The following MAGI1 variants were observed in gnomAD, a reference collection of about 807,000 sequenced individuals.
MAGI1 encodes the protein membrane associated guanylate kinase, WW and PDZ domain containing 1.
A neutral mutation model predicts 139.9 loss-of-function variants in MAGI1; 58 were observed. That is an observed-to-expected ratio of 0.41 (90% CI 0.34 to 0.52). The LOEUF (loss-of-function observed/expected upper bound fraction) is 0.52, where lower values mean the gene tolerates loss of function less well. MAGI1 is among the 20% of genes least tolerant of loss of function. The pLI is 0.12. For missense variants in MAGI1, 1,874 were observed against 1,901.6 expected (o/e 0.99, Z 0.27); for synonymous variants, 812 against 737.9 (o/e 1.10, Z -1.63).
At chr3:65,677,731 C>T (rs1490084548) in intron 1 of MAGI1, among the ~76,000 whole-genome samples, 2 of 152,206 alleles carry the variant, frequency 1.3e-5, no homozygotes, top group Middle Eastern at 3.2e-3. Context: ...CGTCAAAGGT[C>T]AAACTCTTCA....
chr3:65,756,901 G>C (rs2107851794), intron 1 of MAGI1, among the ~76,000 whole-genome samples: 1 of 152,246 alleles, frequency 6.6e-6, no homozygotes, highest in Middle Eastern at 3.4e-3. Context: ...AATTCCTCTG[G>C]TAATGAACTT....
Position 66,023,745 on chromosome 3 carries a change from T to C in MAGI1, c.313+14251A>G, listed in dbSNP as rs111587359. Among the ~76,000 whole-genome samples the C allele has an allele frequency of 6.7e-3, 1,018 of 152,342 alleles. 8 individuals carry two copies. Among genetic ancestry groups the C allele is most frequent in the African/African-American group, 0.023 (943 of 41,580 alleles). On this transcript the variant is annotated intron_variant, in intron 1 of 22. Transcript: ENST00000402939. ...CCCTAAATGGTATACATAAACTTCA[T>C]TCGTTCTTGTTGGTAAAGCTACACA...
intron 1 of MAGI1, among the ~76,000 whole-genome samples, chr3:65,708,355 G>C (rs1187753736): frequency 6.7e-6 from 1 of 149,054 alleles, no homozygotes; most frequent in Admixed American, 6.6e-5. Flanking sequence ...CCAGTGAGAA[G>C]CTCTTCTGTG....
intron 2 of MAGI1, among the ~76,000 whole-genome samples, chr3:65,509,743 GC>G (rs1254909608): frequency 6.6e-6 from 1 of 152,130 alleles, no homozygotes; most frequent in East Asian, 1.9e-4. Flanking sequence ...GCCCGCCATT[GC>G]CCAGGCTTGC....
chr3:65,611,809 T>C (rs930836567), intron 2 of MAGI1, among the ~76,000 whole-genome samples: 1 of 151,532 alleles, frequency 6.6e-6, no homozygotes, highest in Admixed American at 6.6e-5. Flanking sequence ...GGGGTTCTTG[T>C]AACCAACCTG....
chr3:65,681,242 C>G (rs1424116028), intron 1 of MAGI1, among the ~76,000 whole-genome samples: 2 of 152,204 alleles, frequency 1.3e-5, no homozygotes, highest in Admixed American at 6.5e-5. Context: ...TCCTTTCTCC[C>G]TGAATTTATT....
chr3:65,553,688 A>C (rs917609315), intron 2 of MAGI1, among the ~76,000 whole-genome samples: 2 of 152,180 alleles, frequency 1.3e-5, no homozygotes, highest in Admixed American at 1.3e-4. Flanking sequence ...TGGTTTTAGG[A>C]TATGCTATAT....
chr3:65,680,760 A>AAAGAT, intron 1 of MAGI1, among the ~76,000 whole-genome samples: 1 of 135,148 alleles, frequency 7.4e-6, no homozygotes, highest in South Asian at 2.2e-4. Flanking sequence ...ATAATATAAT[A>AAAGAT]ATGATATGAT....
chr3:65,748,035 C>A (rs1289946123), intron 1 of MAGI1, among the ~76,000 whole-genome samples: 4 of 152,140 alleles, frequency 2.6e-5, no homozygotes, highest in Non-Finnish European at 5.9e-5. Flanking sequence ...TCACAGCATT[C>A]CTGCCAGAAA....
intron 2 of MAGI1, among the ~76,000 whole-genome samples, chr3:65,528,882 C>T (rs2078508053): frequency 6.6e-6 from 1 of 151,984 alleles, no homozygotes; most frequent in African/African-American, 2.4e-5. Context: ...CTTGTCCCTA[C>T]AAAAAAATTT....
intron 4 of MAGI1, among the ~76,000 whole-genome samples, chr3:65,477,290 C>T (rs1297082524): frequency 6.6e-6 from 1 of 152,140 alleles, no homozygotes; most frequent in Non-Finnish European, 1.5e-5. Flanking sequence ...AGGTTGCAAA[C>T]AGCATTCATA....
intron 1 of MAGI1, among the ~76,000 whole-genome samples, chr3:65,792,556 C>T (rs2039860063): frequency 1.3e-5 from 2 of 151,902 alleles, no homozygotes; most frequent in Admixed American, 1.3e-4. Flanking sequence ...TTATAGCTAG[C>T]TATATAGCTA....
At chr3:65,743,719 A>T (rs568707024) in intron 1 of MAGI1, among the ~76,000 whole-genome samples, 1 of 152,166 alleles carries the variant, frequency 6.6e-6, no homozygotes, top group Non-Finnish European at 1.5e-5. Context: ...CAAAAAAAAA[A>T]AAAGTCTAAA....
At chr3:65,587,271 C>T (rs1282496644) in intron 2 of MAGI1, among the ~76,000 whole-genome samples, 5 of 152,132 alleles carry the variant, frequency 3.3e-5, no homozygotes, top group Non-Finnish European at 7.4e-5. Flanking sequence ...CTATCTTAAA[C>T]GTGCTCAAAA....
intron 13 of MAGI1, among the ~76,000 whole-genome samples, chr3:65,399,222 ATGTGTCATTAC>A (rs1944657351): frequency 1.3e-5 from 2 of 152,236 alleles, no homozygotes; most frequent in South Asian, 4.2e-4. Flanking sequence ...AATTGACCTT[ATGTGTCATTAC>A]TTGAATGGCT....
intron 1 of MAGI1, among the ~76,000 whole-genome samples, chr3:66,021,244 T>C (rs1227812948): frequency 6.6e-6 from 1 of 152,208 alleles, no homozygotes; most frequent in East Asian, 1.9e-4. Flanking sequence ...GAATAAAATA[T>C]TGCACAGTGT....
rs1475107145 is a variant in MAGI1 at position 65,711,808 on chromosome 3, G to A, written c.314-89720C>T. Reference sequence around the variant, plus strand: ...CAAACCTACTAACACCTTGATCTGGGACTTCTAGCCTCCAGAACTGAGAGA... The same window carrying A: ...CAAACCTACTAACACCTTGATCTGGAACTTCTAGCCTCCAGAACTGAGAGA... On this transcript the variant is annotated intron_variant, in intron 1 of 22. Coordinates refer to ENST00000402939, the MANE Select transcript of MAGI1 (RefSeq NM_001033057.2). Among the ~76,000 whole-genome samples, 22 of 152,134 alleles carry A rather than the reference G, an allele frequency of 1.4e-4. 1 individual carries two copies. The highest frequency in any genetic ancestry group is 1.4e-3 in the Admixed American group (22 of 15,274).
intron 1 of MAGI1, among the ~76,000 whole-genome samples, chr3:65,840,323 T>A (rs1299879468): frequency 1.3e-5 from 2 of 152,190 alleles, no homozygotes; most frequent in East Asian, 3.9e-4. Flanking sequence ...AAAACGGACA[T>A]CTATGCTTTG....
At chr3:65,541,034 ATT>A (rs1232582683) in intron 2 of MAGI1, among the ~76,000 whole-genome samples, 1 of 152,226 alleles carries the variant, frequency 6.6e-6, no homozygotes, top group South Asian at 2.1e-4. Flanking sequence ...GAAAAGATAT[ATT>A]CTTTCCAAGG....
Sources: allele counts gnomAD v4.1 joint callset (sites outside exome capture counted in the v4.1 genomes callset), GRCh38; gene constraint gnomAD v4.1.1; transcripts MANE v1.5; gene names NCBI Gene and HGNC (gene_info 2026-07-23, HGNC 2026-07-21).